The following OSBP2 variants were observed in gnomAD, a reference collection of about 807,000 sequenced individuals.
OSBP2 encodes oxysterol binding protein 2.
Under a neutral mutation model 96.0 loss-of-function variants are expected in OSBP2, and 66 were observed. The ratio of observed to expected loss-of-function variants is 0.69; its 90% CI spans 0.56 to 0.84. OSBP2 has a LOEUF of 0.84. Among genes scored for constraint, OSBP2 ranks in the 40% least tolerant of loss-of-function variants. The pLI is 0.00. For missense variants in OSBP2, 1,038 were observed against 1,222.7 expected (o/e 0.85, Z 2.25); for synonymous variants, 525 against 520.9 (o/e 1.01, Z -0.11).
intron 1 of OSBP2, among the ~76,000 whole-genome samples, chr22:30,723,709 C>G (rs1182159441): frequency 6.6e-6 from 1 of 152,162 alleles, no homozygotes; most frequent in African/African-American, 2.4e-5. Flanking sequence ...CCACCGCACC[C>G]GGCCAGATTT....
intron 12 of OSBP2, among the ~76,000 whole-genome samples, chr22:30,896,789 G>C (rs1357859284): frequency 6.6e-6 from 1 of 151,942 alleles, no homozygotes; most frequent in Non-Finnish European, 1.5e-5. Context: ...AGGACTACAG[G>C]CATGCACCAC....
intron 2 of OSBP2, among the ~76,000 whole-genome samples, chr22:30,845,297 G>T (rs1204198395): frequency 6.6e-6 from 1 of 152,126 alleles, no homozygotes; most frequent in Non-Finnish European, 1.5e-5. Flanking sequence ...CAGGCGTGGT[G>T]GTAGGTGCCT....
rs1214703921 is a variant in OSBP2 at position 30,890,739 on chromosome 22, T to A, written c.1635T>A (p.Asn545Lys). Residue 545 changes from asparagine to lysine, a missense_variant, in exon 8 of 14, where the codon AAT becomes AAA. Coordinates refer to ENST00000332585, the MANE Select transcript of OSBP2 (RefSeq NM_030758.4). This position sits in a 1 kb window ranked among gnomAD's most constrained non-coding sequence, Gnocchi z 4.4. ...LSRIPMPVNF[N>K]EPLSMLQRLT... The stretch of plus-strand genomic sequence containing the variant: ...CTGTCCACCCACAGGTGAACTTCAA[T>A]GAGCCCCTGTCCATGCTCCAGCGGC... 2.5e-6 allele frequency: 4 copies of A among 1,612,582 alleles called. No homozygotes were observed. Among genetic ancestry groups the A allele is most frequent in the South Asian group, 2.2e-5 (2 of 91,082 alleles).
intron 2 of OSBP2, among the ~76,000 whole-genome samples, chr22:30,838,890 G>C (rs1288798240): frequency 1.3e-5 from 2 of 151,122 alleles, no homozygotes; most frequent in African/African-American, 2.4e-5. Context: ...CAATGTGCAG[G>C]TTAGTTACAT....
At chr22:30,889,708 T>G in intron 7 of OSBP2, 72 bp downstream of exon 7, 1 of 1,429,460 alleles carries the variant, frequency 7.0e-7, no homozygotes, top group Non-Finnish European at 9.8e-7. Flanking sequence ...TGAGCAGTAA[T>G]GGCCTGTGTG....
intron 2 of OSBP2, among the ~76,000 whole-genome samples, chr22:30,753,274 C>T (rs1176872198): frequency 6.6e-6 from 1 of 151,928 alleles, no homozygotes; most frequent in Non-Finnish European, 1.5e-5. Flanking sequence ...TAGGATGTTA[C>T]TGGTGGGAGG....
At chr22:30,703,713 T>C (rs543759453) in intron 1 of OSBP2, among the ~76,000 whole-genome samples, 7 of 152,228 alleles carry the variant, frequency 4.6e-5, no homozygotes, top group African/African-American at 1.7e-4. Flanking sequence ...TGACTTCAAG[T>C]GATCTGCCCG....
intron 8 of OSBP2, among the ~76,000 whole-genome samples, chr22:30,892,853 A>AGCATG (rs1338214739): frequency 1.3e-5 from 2 of 152,136 alleles, no homozygotes; most frequent in African/African-American, 4.8e-5. Context: ...CATGTCTTTG[A>AGCATG]GCATGAGGTC....
At chr22:30,815,256 C>A (rs1047852001) in intron 2 of OSBP2, among the ~76,000 whole-genome samples, 15 of 152,170 alleles carry the variant, frequency 9.9e-5, no homozygotes, top group African/African-American at 3.6e-4. Flanking sequence ...GTACTCCAGC[C>A]TGGGTAACAG....
chr22:30,894,050 AGGACAGT>A, intron 12 of OSBP2, 49 bp downstream of exon 12: 1 of 1,519,400 alleles, frequency 6.6e-7, no homozygotes, highest in South Asian at 1.2e-5. Flanking sequence ...AGAGGGAAGG[AGGACAGT>A]GGACAGAAAG....
intron 2 of OSBP2, among the ~76,000 whole-genome samples, chr22:30,844,248 C>T (rs896900103): frequency 1.3e-5 from 2 of 152,150 alleles, no homozygotes; most frequent in African/African-American, 4.8e-5. Flanking sequence ...CTTAAAGTCA[C>T]CAGCCGCATT....
Position 30,852,243 on chromosome 22 carries a change from T to C in OSBP2, c.854-18186T>C, listed in dbSNP as rs116979524. On this transcript the variant is annotated intron_variant, in intron 2 of 13. Transcript: ENST00000332585. The stretch of plus-strand genomic sequence containing the variant: ...CTTTGGGTAAGAAGTGTATTATTTC[T>C]TCCTTAAACATTTGGTAGAATTTGC... Among the ~76,000 whole-genome samples the C allele has an allele frequency of 1.2e-3, 181 of 152,316 alleles. 4 individuals carry two copies. In the East Asian group the frequency reaches 0.025, roughly 21 times the overall value.
chr22:30,754,494 T>C (rs1457871609), intron 2 of OSBP2, among the ~76,000 whole-genome samples: 1 of 152,118 alleles, frequency 6.6e-6, no homozygotes, highest in Non-Finnish European at 1.5e-5. Flanking sequence ...GAGAGACTCA[T>C]GTGGGCAGCA....
intron 2 of OSBP2, among the ~76,000 whole-genome samples, chr22:30,796,372 A>G (rs2090761844): frequency 6.6e-6 from 1 of 152,158 alleles, no homozygotes; most frequent in African/African-American, 2.4e-5. Context: ...AACATTGTAA[A>G]CATAAATATA....
chr22:30,848,028 C>G (rs2038906263), intron 2 of OSBP2, among the ~76,000 whole-genome samples: 1 of 152,072 alleles, frequency 6.6e-6, no homozygotes, highest in South Asian at 2.1e-4. Flanking sequence ...AGTATACATA[C>G]TGTTTTGCTC....
intron 2 of OSBP2, among the ~76,000 whole-genome samples, chr22:30,858,934 T>C (rs1187502765): frequency 7.1e-6 from 1 of 141,236 alleles, no homozygotes; most frequent in Non-Finnish European, 1.6e-5. Context: ...CATTCTGATA[T>C]TTCTCGTGCC....
chr22:30,741,246 T>C lies in OSBP2; in HGVS notation c.730T>C (p.Leu244=). ...HIDTEDSCGI[L]LTSGARSYHL... is the part of the protein sequence containing the mutation. The stretch of plus-strand genomic sequence containing the variant: ...TGACACGGAGGACTCTTGTGGTATC[T>C]TGCTGACCAGTGGGGCCAGGAGCTA... The change falls in exon 2 of 14, where the codon TTG becomes CTG. Residue 244 remains leucine, a synonymous_variant. Coordinates refer to ENST00000332585, the MANE Select transcript of OSBP2 (RefSeq NM_030758.4). 2 of 1,614,108 alleles carry C rather than the reference T, an allele frequency of 1.2e-6. No individual in the cohort carries two copies. Among genetic ancestry groups the C allele is most frequent in the Non-Finnish European group, 1.7e-6 (2 of 1,180,026 alleles).
At chr22:30,839,238 C>T (rs2038697843) in intron 2 of OSBP2, among the ~76,000 whole-genome samples, 1 of 145,886 alleles carries the variant, frequency 6.9e-6, no homozygotes, top group Non-Finnish European at 1.5e-5. Flanking sequence ...TTTCTTAATC[C>T]AGTCTATCAT....
rs145829486 is a variant in OSBP2, at chr22:30,840,209, TAA to T, written c.854-30209_854-30208del. The stretch of plus-strand genomic sequence containing the variant: ...ATGTACCCTAAAACTTCAAGTGTAA[TAA>T]AAAAAAAAAAGAAAGAAACTTAAAG... On this transcript the variant is annotated intron_variant, in intron 2 of 13. Coordinates refer to ENST00000332585, the MANE Select transcript of OSBP2 (RefSeq NM_030758.4). Among the ~76,000 whole-genome samples the T allele has an allele frequency of 4.4e-4, 56 of 126,374 alleles. No homozygotes were observed. In the East Asian group the frequency reaches 8.6e-3, roughly 19 times the overall value. 82.9% of individuals were successfully genotyped at this position (126,374 alleles called of 152,430 possible).
Sources: gnomAD v4.1 joint callset for allele counts (sites outside exome capture counted in the v4.1 genomes callset) on GRCh38, gnomAD v4.1.1 for gene constraint, Gnocchi (gnomAD v3.1) non-coding constraint, MANE v1.5 for transcripts, NCBI Gene and HGNC (gene_info 2026-07-23, HGNC 2026-07-21) for gene names.